ACYP2: variants seen among roughly 807,000 people sequenced by gnomAD.
The protein encoded by ACYP2 is acylphosphatase-2.
Under a neutral mutation model 11.2 loss-of-function variants are expected in ACYP2, and 12 were observed. The observed-to-expected ratio is 1.08, with a 90% CI of 0.69 to 1.74. The LOEUF is 1.74. Among genes scored for constraint, ACYP2 ranks in the 40% most tolerant of loss-of-function variants. The pLI is 0.00. For missense variants in ACYP2, 134 were observed against 101.9 expected (o/e 1.31, Z -1.35); for synonymous variants, 43 against 32.2 (o/e 1.33, Z -1.13).
intron 5 of ACYP2, among the ~76,000 whole-genome samples, chr2:54,136,846 G>C (rs1015288736): frequency 1.3e-5 from 2 of 152,176 alleles, no homozygotes; most frequent in African/African-American, 4.8e-5. Flanking sequence ...CATGGTGGCA[G>C]ATGCCTGTAA....
At chr2:54,232,300 T>TTC (rs1434695718) in intron 6 of ACYP2, among the ~76,000 whole-genome samples, 1 of 152,168 alleles carries the variant, frequency 6.6e-6, no homozygotes, top group East Asian at 1.9e-4. Context: ...GGAGAGTTGC[T>TTC]GTTTTCCCAG....
chr2:54,175,400 G>A (rs190180854), intron 6 of ACYP2, among the ~76,000 whole-genome samples: 178 of 152,046 alleles, frequency 1.2e-3, no homozygotes, highest in African/African-American at 3.8e-3. Context: ...TTGTTATTGC[G>A]TCTATTTGAT....
intron 2 of ACYP2, among the ~76,000 whole-genome samples, chr2:54,036,958 G>C (rs1674933218): frequency 6.6e-6 from 1 of 152,090 alleles, no homozygotes; most frequent in African/African-American, 2.4e-5. Flanking sequence ...CTGATTTCTA[G>C]ATCACTCATT....
intron 6 of ACYP2, among the ~76,000 whole-genome samples, chr2:54,294,577 C>A (rs1486995343): frequency 1.3e-5 from 2 of 151,934 alleles, no homozygotes; most frequent in Admixed American, 1.3e-4. Flanking sequence ...AAGTATTAAG[C>A]CTTTGTGCAA....
chr2:54,065,800 G>A, intron 4 of ACYP2: 1 of 299,052 alleles, frequency 3.3e-6, no homozygotes, highest in Non-Finnish European at 6.1e-6. Flanking sequence ...AATGTCCTCT[G>A]GGCTGTGTTT....
chr2:54,268,639 CAAAA>C (rs34122735), intron 6 of ACYP2, among the ~76,000 whole-genome samples: 1 of 81,292 alleles, frequency 1.2e-5, no homozygotes, highest in Non-Finnish European at 2.5e-5. Flanking sequence ...CAGTCTCTAC[CAAAA>C]AAAAAAAAAA....
intron 2 of ACYP2, among the ~76,000 whole-genome samples, chr2:53,986,003 G>A (rs1573449497): frequency 1.3e-5 from 2 of 152,068 alleles, no homozygotes; most frequent in South Asian, 4.1e-4. Context: ...GGGCATGGTG[G>A]CGTTCACCTG....
At chr2:54,201,693 TCTCTC>T (rs1468417501) in intron 6 of ACYP2, among the ~76,000 whole-genome samples, 10 of 148,072 alleles carry the variant, frequency 6.8e-5, no homozygotes, top group African/African-American at 2.5e-4. Context: ...TCTCTCTCTC[TCTCTC>T]TTTTTTCTTT....
chr2:54,229,973 G>A (rs747982107), intron 6 of ACYP2, among the ~76,000 whole-genome samples: 2 of 152,162 alleles, frequency 1.3e-5, no homozygotes, highest in Non-Finnish European at 2.9e-5. Context: ...GGTCTAGGGA[G>A]TCATGTCCTA....
intron 6 of ACYP2, among the ~76,000 whole-genome samples, chr2:54,194,671 TTAATA>T (rs1684382766): frequency 6.6e-6 from 1 of 152,180 alleles, no homozygotes; most frequent in African/African-American, 2.4e-5. Context: ...TTTTTTCTCT[TTAATA>T]TATTTACAAG....
intron 4 of ACYP2, among the ~76,000 whole-genome samples, chr2:54,089,486 C>T (rs1347293387): frequency 5.9e-5 from 9 of 152,166 alleles, no homozygotes; most frequent in Admixed American, 3.9e-4. Flanking sequence ...GTGGCTCACT[C>T]TCGTAATCTC....
intron 2 of ACYP2, among the ~76,000 whole-genome samples, chr2:53,974,393 T>C (rs1671362187): frequency 6.6e-6 from 1 of 152,174 alleles, no homozygotes; most frequent in African/African-American, 2.4e-5. Context: ...GTGCAGATGC[T>C]GGAATGTTTG....
At chr2:54,149,076 C>A (rs1005330973) in intron 6 of ACYP2, among the ~76,000 whole-genome samples, 2 of 152,150 alleles carry the variant, frequency 1.3e-5, no homozygotes, top group African/African-American at 4.8e-5. Context: ...CATGATGAAA[C>A]CCCATCAGTA....
intron 2 of ACYP2, among the ~76,000 whole-genome samples, chr2:53,989,187 G>A: frequency 6.6e-6 from 1 of 151,838 alleles, no homozygotes; most frequent in East Asian, 1.9e-4. Flanking sequence ...GTGCCTGCTG[G>A]CACCATCGAC....
intron 2 of ACYP2, among the ~76,000 whole-genome samples, chr2:54,033,667 G>A (rs1674716045): frequency 6.6e-6 from 1 of 152,338 alleles, no homozygotes; most frequent in Middle Eastern, 3.4e-3. Context: ...GCAGGGGAGT[G>A]ACATGATCAG....
chr2:54,032,117 G>C (rs1182176092), intron 2 of ACYP2, among the ~76,000 whole-genome samples: 2 of 152,166 alleles, frequency 1.3e-5, no homozygotes, highest in Admixed American at 1.3e-4. Flanking sequence ...CTGTGCAGAA[G>C]CTCTTTAGTT....
At chr2:54,197,922 ATTTTATTTATGTATGTAT>A (rs1684563394) in intron 6 of ACYP2, among the ~76,000 whole-genome samples, 1 of 135,864 alleles carries the variant, frequency 7.4e-6, no homozygotes, top group Non-Finnish European at 1.6e-5. Flanking sequence ...TTATTATTTT[ATTTTATTTATGTATGTAT>A]TATATTGTAT....
At chr2:54,150,891 A>G (rs999976779) in intron 6 of ACYP2, among the ~76,000 whole-genome samples, 4 of 151,122 alleles carry the variant, frequency 2.6e-5, no homozygotes, top group Non-Finnish European at 2.9e-5. Context: ...ACAGGCGCCC[A>G]CTACCACGCC....
intron 6 of ACYP2, chr2:54,256,331 G>T: frequency 1.6e-6 from 1 of 639,500 alleles, no homozygotes; most frequent in Non-Finnish European, 2.8e-6. Context: ...GTCTGTGGTG[G>T]TGTCTTTACG....
Sources: gnomAD v4.1 joint callset for allele counts (sites outside exome capture counted in the v4.1 genomes callset) on GRCh38, gnomAD v4.1.1 for gene constraint, MANE v1.5 for transcripts, NCBI Gene and HGNC (gene_info 2026-07-23, HGNC 2026-07-21) for gene names.